AURKA: variants seen among roughly 807,000 people sequenced by gnomAD.
AURKA encodes the protein aurora kinase A, also known as aurora 2.
In AURKA, 12 loss-of-function variants were observed where a neutral mutation model predicts 40.9. The ratio of observed to expected loss-of-function variants is 0.29; its 90% CI spans 0.19 to 0.48. The LOEUF (loss-of-function observed/expected upper bound fraction) is 0.48. AURKA is among the 20% of genes least tolerant of loss of function. AURKA has a pLI of 0.99. For synonymous variants in AURKA, 170 were observed against 164.3 expected (o/e 1.03, Z -0.26); for missense variants, 322 against 462.1 (o/e 0.70, Z 2.78).
At chr20:56,390,271 C>T (rs1026212773) in intron 1 of AURKA, among the ~76,000 whole-genome samples, 1 of 152,020 alleles carries the variant, frequency 6.6e-6, no homozygotes, top group Non-Finnish European at 1.5e-5. Context: ...CGCTTTTCCC[C>T]CAGGTGTGTA....
chr20:56,390,262 G>A (rs1053704463), intron 1 of AURKA, among the ~76,000 whole-genome samples: 1 of 150,692 alleles, frequency 6.6e-6, no homozygotes, highest in African/African-American at 2.4e-5. Flanking sequence ...CCTTTATTAC[G>A]CTTTTCCCCC....
intron 2 of AURKA, 41 bp downstream of exon 2, chr20:56,388,115 G>T (rs370093676): frequency 3.4e-5 from 55 of 1,609,564 alleles, no homozygotes; most frequent in Non-Finnish European, 4.7e-5. Context: ...CCTCCATGTG[G>T]GTTTATAAAT....
At chr20:56,375,709 C>T (rs1984839877) in intron 6 of AURKA, among the ~76,000 whole-genome samples, 2 of 152,216 alleles carry the variant, frequency 1.3e-5, no homozygotes. Context: ...AGCTGCTCTT[C>T]TGACCACCAA....
intron 1 of AURKA, among the ~76,000 whole-genome samples, chr20:56,389,881 T>G (rs1404164018): frequency 6.6e-6 from 1 of 152,212 alleles, no homozygotes; most frequent in African/African-American, 2.4e-5. Context: ...AGATCACTGC[T>G]CACCACCTCT....
At chr20:56,384,395 GA>G in intron 3 of AURKA, 71 bp from the exon 4 acceptor site, 2 of 1,135,986 alleles carry the variant, frequency 1.8e-6, no homozygotes, top group Non-Finnish European at 2.6e-6. Flanking sequence ...GAATAGAGGT[GA>G]ATCAAAGAAT....
At chr20:56,383,468 G>A (rs1235415436) in intron 4 of AURKA, among the ~76,000 whole-genome samples, 1 of 152,214 alleles carries the variant, frequency 6.6e-6, no homozygotes, top group Non-Finnish European at 1.5e-5. Flanking sequence ...CAGAGGAACA[G>A]GGCCATGACA....
In AURKA at chr20:56,369,653, A is replaced by G. The variant is rs1600667246; in HGVS notation, c.*505T>C. The G allele has an allele frequency of 3.7e-6, 1 of 272,660 alleles. No individual in the cohort carries two copies. The highest frequency in any genetic ancestry group is 5.0e-5 in the East Asian group (1 of 20,026). 16.9% of individuals were successfully genotyped at this position (272,660 alleles called of 1,614,324 possible). ...CATTCCTAAAGGAATGCCACCAGAG[A>G]AAAAATACAAGTCTGTACATATATC... On this transcript the variant is annotated 3_prime_UTR_variant, in exon 9 of 9. Transcript: ENST00000395915.
chr20:56,381,008 T>C (rs8117896), intron 6 of AURKA, among the ~76,000 whole-genome samples: 88,954 of 151,952 alleles, frequency 0.59, 26,551 homozygotes, highest in Middle Eastern at 0.63. Context: ...CCTAGCCAGG[T>C]ACAATGGTGT....
At chr20:56,371,807 G>A (rs1414388688) in intron 7 of AURKA, among the ~76,000 whole-genome samples, 1 of 152,330 alleles carries the variant, frequency 6.6e-6, no homozygotes, top group African/African-American at 2.4e-5. Flanking sequence ...TGACAATGCT[G>A]TTAATTTTCT....
intron 7 of AURKA, among the ~76,000 whole-genome samples, chr20:56,372,191 T>C (rs1301011867): frequency 1.3e-5 from 2 of 152,188 alleles, no homozygotes; most frequent in African/African-American, 2.4e-5. Flanking sequence ...CAGCCAGGCC[T>C]GGCACCCACT....
At position 56,388,206 on chromosome 20, in the gene AURKA, A is replaced by G; in HGVS notation, c.-5-4T>C. ...TCTTTAGATCGGTCCATGATGCCTG[A>G]AAAGAAAAAGAAGAACCTTTAATTT... is the stretch of plus-strand genomic sequence containing the variant. On this transcript the variant is annotated splice_region_variant and splice_polypyrimidine_tract_variant and intron_variant, in intron 1 of 8. Transcript: ENST00000395915. The G allele has an allele frequency of 1.2e-6, 2 of 1,614,048 alleles. No individual in the cohort carries two copies. Among genetic ancestry groups the G allele is most frequent in the Non-Finnish European group, 1.7e-6 (2 of 1,179,830 alleles).
intron 6 of AURKA, among the ~76,000 whole-genome samples, chr20:56,374,107 C>T (rs995975373): frequency 6.6e-6 from 1 of 151,950 alleles, no homozygotes; most frequent in Admixed American, 6.6e-5. Context: ...AATGCTTAGT[C>T]ATCTCTGCTA....
At position 56,372,348 on chromosome 20, in the gene AURKA, A is replaced by G. The variant is rs1041761746; in HGVS notation, c.854+1060T>C. Among the ~76,000 whole-genome samples, 9 of 152,348 alleles carry G rather than the reference A, an allele frequency of 5.9e-5. No individual in the cohort carries two copies. The East Asian group carries it at 1.7e-3, about 29-fold the overall frequency. On this transcript the variant is annotated intron_variant, in intron 7 of 8. Coordinates refer to ENST00000395915, the MANE Select transcript of AURKA (RefSeq NM_198437.3). The stretch of plus-strand genomic sequence containing the variant: ...TAACCAGGAAATGATGATGATTAAC[A>G]TCTGGGATTTGGAGTGAAGTGACTA...
chr20:56,371,658 GTCCAACCACAGAGACAA>G (rs1569041015), intron 7 of AURKA, among the ~76,000 whole-genome samples: 4 of 149,048 alleles, frequency 2.7e-5, no homozygotes, highest in African/African-American at 5.1e-5. Flanking sequence ...CACAGAGACA[GTCCAACCACAGAGACAA>G]TCCAACCACA....
At chr20:56,390,483 T>G (rs1478921247) in intron 1 of AURKA, 1 of 152,086 alleles carries the variant, frequency 6.6e-6, no homozygotes, top group Admixed American at 6.6e-5. Flanking sequence ...GATTTTGTAT[T>G]TTTAGTAGAG....
At chr20:56,390,328 A>T (rs1248392635) in intron 1 of AURKA, among the ~76,000 whole-genome samples, 3 of 141,924 alleles carry the variant, frequency 2.1e-5, no homozygotes, top group Non-Finnish European at 3.0e-5. Flanking sequence ...TTTTTTTGAG[A>T]TAGAGTTTGC....
Position 56,369,834 on chromosome 20 carries a change from A to T in AURKA, c.*324T>A. The T allele has an allele frequency of 2.1e-6, 1 of 483,950 alleles. No individual in the cohort carries two copies. The allele number at this position is 483,950 out of a possible 1,614,324, so 30.0% of individuals were successfully genotyped here. The stretch of plus-strand genomic sequence containing the variant: ...AGGGCAGAGTGGTCACTTTCCCCAC[A>T]GCCAGGCTCTGGATTTGCCTCCTGT... On this transcript the variant is annotated 3_prime_UTR_variant, in exon 9 of 9. Transcript: ENST00000395915.
intron 7 of AURKA, among the ~76,000 whole-genome samples, chr20:56,372,883 T>C (rs1421008599): frequency 6.6e-6 from 1 of 152,240 alleles, no homozygotes; most frequent in Admixed American, 6.5e-5. Flanking sequence ...TGACAGGGGA[T>C]AAGAAAGGAC....
At chr20:56,381,161 T>C (rs1470126201) in intron 6 of AURKA, among the ~76,000 whole-genome samples, 1 of 151,146 alleles carries the variant, frequency 6.6e-6, no homozygotes, top group African/African-American at 2.4e-5. Flanking sequence ...TTAAAGAAAA[T>C]GAGGGTGACT....
Sources: gnomAD v4.1 joint callset for allele counts (sites outside exome capture counted in the v4.1 genomes callset) on GRCh38, gnomAD v4.1.1 for gene constraint, MANE v1.5 for transcripts, NCBI Gene and HGNC (gene_info 2026-07-23, HGNC 2026-07-21) for gene names.